Variants in GRB2 observed in about 807,000 individuals in gnomAD.
GRB2 encodes the protein growth factor receptor bound protein 2, also known as growth factor receptor-bound protein 2.
A neutral mutation model predicts 27.4 loss-of-function variants in GRB2; 2 were observed. The observed-to-expected ratio is 0.07, with a 90% CI of 0.03 to 0.23. The LOEUF (loss-of-function observed/expected upper bound fraction) is 0.23, where lower values mean the gene tolerates loss of function less well. Among genes scored for constraint, GRB2 ranks in the 10% least tolerant of loss-of-function variants. The probability of loss-of-function intolerance (pLI) is 1.00; values close to 1 mark genes in which losing one functional copy is unlikely to be tolerated. For missense variants in GRB2, 102 were observed against 282.4 expected, an observed-to-expected ratio of 0.36 and a Z score of 4.58; for synonymous variants, 94 against 99.6, an observed-to-expected ratio of 0.94 and a Z score of 0.33.
chr17:75,376,745 T>C (rs560278735), intron 2 of GRB2, among the ~76,000 whole-genome samples: 1 of 152,220 alleles, frequency 6.6e-6, no homozygotes, highest in African/African-American at 2.4e-5. Flanking sequence ...CTGTAATCTG[T>C]AATCCCAGCA....
intron 4 of GRB2, among the ~76,000 whole-genome samples, chr17:75,325,175 G>C (rs1309489414): frequency 6.6e-6 from 1 of 152,168 alleles, no homozygotes; most frequent in African/African-American, 2.4e-5. Flanking sequence ...TCTGAGTGTT[G>C]AATCTAATTA....
intron 1 of GRB2, chr17:75,404,742 C>T (rs984820390): frequency 7.9e-5 from 12 of 152,256 alleles, no homozygotes; most frequent in African/African-American, 2.9e-4. Context: ...AGAGACAGAC[C>T]TCAAGTGCAC....
intron 4 of GRB2, among the ~76,000 whole-genome samples, chr17:75,323,831 A>ATG (rs1458254385): frequency 6.7e-6 from 1 of 149,680 alleles, no homozygotes; most frequent in African/African-American, 2.5e-5. Context: ...TTAAAGATGG[A>ATG]TGGAGTCTTG....
chr17:75,387,751 T>C (rs2078973803), intron 2 of GRB2: 1 of 151,650 alleles, frequency 6.6e-6, no homozygotes, highest in Admixed American at 6.6e-5. Context: ...CAAGCCAAGA[T>C]CGTGCGATTG....
chr17:75,322,483 A>T (rs1350957260), intron 4 of GRB2, among the ~76,000 whole-genome samples: 1 of 152,144 alleles, frequency 6.6e-6, no homozygotes, highest in African/African-American at 2.4e-5. Flanking sequence ...AAATAATTAA[A>T]ATCTTATATG....
intron 2 of GRB2, among the ~76,000 whole-genome samples, chr17:75,352,382 G>A (rs1220389324): frequency 6.6e-6 from 1 of 152,176 alleles, no homozygotes; most frequent in Non-Finnish European, 1.5e-5. Flanking sequence ...GGACTAAGAC[G>A]GCTAAATGAT....
chr17:75,401,220 T>C (rs911966574), intron 1 of GRB2, among the ~76,000 whole-genome samples: 1 of 149,484 alleles, frequency 6.7e-6, no homozygotes, highest in Non-Finnish European at 1.5e-5. Context: ...CCGAGGCGGG[T>C]GGATCACGAG....
chr17:75,338,653 C>A (rs1345443301), intron 2 of GRB2, among the ~76,000 whole-genome samples: 4 of 151,228 alleles, frequency 2.6e-5, no homozygotes. Context: ...GAGGAAGAGA[C>A]AAGTTTCAGT....
chr17:75,345,228 T>C (rs982868523), intron 2 of GRB2, among the ~76,000 whole-genome samples: 2 of 151,900 alleles, frequency 1.3e-5, no homozygotes, highest in African/African-American at 4.8e-5. Context: ...GTATTTTTAG[T>C]AGAGACGGGG....
At chr17:75,405,379 C>T (rs942196761) in intron 1 of GRB2, 110 bp downstream of exon 1, 1 of 152,350 alleles carries the variant, frequency 6.6e-6, no homozygotes, top group African/African-American at 2.4e-5. Context: ...AGCCTCGCCG[C>T]CCCGACGCGA....
chr17:75,374,013 T>C (rs2078874261), intron 2 of GRB2, among the ~76,000 whole-genome samples: 1 of 151,528 alleles, frequency 6.6e-6, no homozygotes, highest in Non-Finnish European at 1.5e-5. Flanking sequence ...GCCAGGATGG[T>C]CTCAATCTCC....
At position 75,360,940 on chromosome 17, in the gene GRB2, A is replaced by AC. The variant is rs1179541894; in HGVS notation, c.79-28144_79-28143insG. On this transcript the variant is annotated intron_variant, in intron 2 of 5. Coordinates refer to ENST00000316804, the MANE Select transcript of GRB2 (RefSeq NM_002086.5). ...GTGCTGCCACGCCCAGCTAATTTTAATTTTTTTTTTGGTAGAGATGGGGTC... is the reference window on the plus strand; with the variant it reads ...GTGCTGCCACGCCCAGCTAATTTTAACTTTTTTTTTTGGTAGAGATGGGGTC... 2.1e-5 allele frequency among the ~76,000 whole-genome samples: 3 copies of AC among 144,650 alleles called. No homozygotes were observed. The East Asian group carries it at 6.1e-4, about 29-fold the overall frequency. The allele number at this position is 144,650 out of a possible 152,430, so 94.9% of individuals were successfully genotyped here.
intron 2 of GRB2, among the ~76,000 whole-genome samples, chr17:75,385,344 C>T (rs932977606): frequency 6.6e-6 from 1 of 151,976 alleles, no homozygotes; most frequent in Non-Finnish European, 1.5e-5. Context: ...TGAGACCAGC[C>T]CGGCCAACAT....
At chr17:75,325,858 AG>A in intron 4 of GRB2, 39 bp downstream of exon 4, 2 of 1,609,820 alleles carry the variant, frequency 1.2e-6, no homozygotes. Context: ...TGGATCAGTC[AG>A]AGACAGGATT....
chr17:75,328,428 G>A (rs1427270658), intron 3 of GRB2, among the ~76,000 whole-genome samples: 3 of 148,370 alleles, frequency 2.0e-5, no homozygotes, highest in Non-Finnish European at 4.5e-5. Flanking sequence ...ATCATCTGAG[G>A]TCAGGAGTTC....
chr17:75,353,760 C>G (rs2078709600), intron 2 of GRB2, among the ~76,000 whole-genome samples: 1 of 150,490 alleles, frequency 6.6e-6, no homozygotes, highest in Admixed American at 6.6e-5. Context: ...AAATTCTGGC[C>G]AGGTACAGTG....
At chr17:75,374,845 A>C (rs1884574942) in intron 2 of GRB2, among the ~76,000 whole-genome samples, 1 of 152,158 alleles carries the variant, frequency 6.6e-6, no homozygotes, top group South Asian at 2.1e-4. Context: ...ATATAACTCT[A>C]TATGGCATAT....
At position 75,318,419 on chromosome 17, in the gene GRB2, G is replaced by C. The variant is rs1700330959; in HGVS notation, c.*1949C>G. ...CAGGCCTGGGCCCTGTTCATATCTG[G>C]AGTCGGAGGGAGACTCCCATCGGCC... On this transcript the variant is annotated 3_prime_UTR_variant, in exon 6 of 6. Coordinates refer to ENST00000316804, the MANE Select transcript of GRB2 (RefSeq NM_002086.5). The C allele has an allele frequency of 6.6e-6, 1 of 152,212 alleles. No individual in the cohort carries two copies. Among genetic ancestry groups the C allele is most frequent in the South Asian group, 2.1e-4 (1 of 4,832 alleles). The allele number at this position is 152,212 out of a possible 1,614,324, so 9.4% of individuals were successfully genotyped here. A position where few individuals can be genotyped will look rare whatever the true frequency, so the allele number is the denominator to read the frequency against.
chr17:75,363,761 G>A (rs1366101749), intron 2 of GRB2, among the ~76,000 whole-genome samples: 2 of 151,060 alleles, frequency 1.3e-5, no homozygotes, highest in Admixed American at 6.6e-5. Context: ...TCGGGAGGCT[G>A]AGGCAGGAGA....
Sources: gnomAD v4.1 joint callset for allele counts (sites outside exome capture counted in the v4.1 genomes callset) on GRCh38, gnomAD v4.1.1 for gene constraint, MANE v1.5 for transcripts, NCBI Gene and HGNC (gene_info 2026-07-23, HGNC 2026-07-21) for gene names.